Variants in NIM1K observed in about 807,000 individuals in gnomAD.
NIM1K encodes the protein serine/threonine-protein kinase NIM1.
A neutral mutation model predicts 37.1 loss-of-function variants in NIM1K; 35 were observed. That is an observed-to-expected ratio of 0.94 (90% CI 0.72 to 1.25). NIM1K has a LOEUF of 1.25. Ranked by LOEUF, NIM1K falls within the 50% of genes most tolerant of loss-of-function variation. The pLI is 0.00. For synonymous variants in NIM1K, 234 were observed against 206.6 expected (o/e 1.13, Z -1.14); for missense variants, 564 against 548.0 (o/e 1.03, Z -0.29).
chr5:43,250,000 C>T (rs568687763), intron 2 of NIM1K, among the ~76,000 whole-genome samples: 88 of 151,770 alleles, frequency 5.8e-4, no homozygotes, highest in African/African-American at 2.1e-3. Flanking sequence ...CTACAGACAC[C>T]CACCACCACG....
chr5:43,200,391 C>T (rs967698895), intron 1 of NIM1K, among the ~76,000 whole-genome samples: 2 of 152,184 alleles, frequency 1.3e-5, no homozygotes, highest in East Asian at 3.9e-4. Flanking sequence ...AACTCCGCCT[C>T]CCAGGTTCAC....
chr5:43,236,894 C>A (rs1752629594), intron 1 of NIM1K, among the ~76,000 whole-genome samples: 1 of 152,214 alleles, frequency 6.6e-6, no homozygotes. Context: ...GACTGCTTTT[C>A]TATTTGCTTT....
chr5:43,259,008 T>C (rs1752989253), intron 2 of NIM1K, among the ~76,000 whole-genome samples: 1 of 150,980 alleles, frequency 6.6e-6, no homozygotes, highest in Non-Finnish European at 1.5e-5. Context: ...GAACATACAG[T>C]ATTTGATTTT....
intron 2 of NIM1K, among the ~76,000 whole-genome samples, chr5:43,265,454 G>A (rs1753129863): frequency 1.3e-5 from 2 of 152,108 alleles, no homozygotes; most frequent in Admixed American, 1.3e-4. Flanking sequence ...TTGTGCCATG[G>A]TTTTCAGCTC....
chr5:43,199,150 T>G (rs1404729431), intron 1 of NIM1K, among the ~76,000 whole-genome samples: 1 of 134,610 alleles, frequency 7.4e-6, no homozygotes, highest in Non-Finnish European at 1.5e-5. Context: ...ATTGTGCCAT[T>G]GTACTCCAGC....
rs1397250223 is a variant in NIM1K at position 43,280,807 on chromosome 5, GACATTTT to G, written c.*79_*85del. 1 of 1,312,674 alleles carries G rather than the reference GACATTTT, an allele frequency of 7.6e-7. No homozygotes were observed. The highest frequency in any genetic ancestry group is 1.5e-5 in the African/African-American group (1 of 68,106). 81.3% of individuals were successfully genotyped at this position (1,312,674 alleles called of 1,614,324 possible). ...TTTTTTCAAGGACAACTTGAGTGGAGACATTTTTGTAATTTTTAAATAAACTTAAATT... is the reference window on the plus strand; with the variant it reads ...TTTTTTCAAGGACAACTTGAGTGGAGTGTAATTTTTAAATAAACTTAAATT... On this transcript the variant is annotated 3_prime_UTR_variant, in exon 4 of 4. Coordinates refer to ENST00000326035, the MANE Select transcript of NIM1K (RefSeq NM_153361.4).
chr5:43,235,978 T>A (rs1006523090), intron 1 of NIM1K, among the ~76,000 whole-genome samples: 1 of 152,142 alleles, frequency 6.6e-6, no homozygotes. Context: ...ATCTATACTT[T>A]AAAAATTGAG....
intron 2 of NIM1K, among the ~76,000 whole-genome samples, chr5:43,248,756 C>T (rs1260655868): frequency 5.3e-5 from 8 of 151,976 alleles, no homozygotes; most frequent in Non-Finnish European, 1.2e-4. Context: ...GACTCAAGAC[C>T]CAGGAAGAGC....
chr5:43,270,652 A>G (rs1002353213), intron 2 of NIM1K, among the ~76,000 whole-genome samples: 1 of 152,358 alleles, frequency 6.6e-6, no homozygotes, highest in Admixed American at 6.5e-5. Context: ...TAAAGGGCCA[A>G]CTGAAGTTAG....
intron 1 of NIM1K, chr5:43,240,137 G>A (rs1752678878): frequency 6.6e-6 from 1 of 151,822 alleles, no homozygotes; most frequent in Non-Finnish European, 1.5e-5. Flanking sequence ...GCAGTGGGGT[G>A]ATCTTGGCTC....
intron 1 of NIM1K, among the ~76,000 whole-genome samples, chr5:43,197,649 C>G (rs1751938357): frequency 6.6e-6 from 1 of 152,156 alleles, no homozygotes; most frequent in African/African-American, 2.4e-5. Flanking sequence ...TTTCCATGAT[C>G]CATACTCCAT....
chr5:43,259,798 C>G (rs1005502269), intron 2 of NIM1K, among the ~76,000 whole-genome samples: 2 of 151,978 alleles, frequency 1.3e-5, no homozygotes, highest in Non-Finnish European at 2.9e-5. Context: ...AATGAGGTCC[C>G]ATTTATTTAT....
chr5:43,244,621 C>A (rs545796728), intron 1 of NIM1K, among the ~76,000 whole-genome samples: 33 of 152,120 alleles, frequency 2.2e-4, no homozygotes, highest in African/African-American at 7.5e-4. Context: ...CATAAAATGA[C>A]ATAGGAAGAA....
chr5:43,253,200 ATAATATAATATATGTGTGTG>A (rs146912868), intron 2 of NIM1K, among the ~76,000 whole-genome samples: 2 of 104,564 alleles, frequency 1.9e-5, no homozygotes, highest in Middle Eastern at 4.7e-3. Flanking sequence ...AATATAATAT[ATAATATAATATATGTGTGTG>A]TGTGTGTGTG....
intron 1 of NIM1K, among the ~76,000 whole-genome samples, chr5:43,202,572 G>A (rs1752046480): frequency 6.6e-6 from 1 of 152,268 alleles, no homozygotes; most frequent in South Asian, 2.1e-4. Context: ...GGTAATCAAG[G>A]GAAACTGAAT....
At chr5:43,210,137 A>G (rs915088366) in intron 1 of NIM1K, among the ~76,000 whole-genome samples, 16 of 151,026 alleles carry the variant, frequency 1.1e-4, no homozygotes. Flanking sequence ...CGCTTAGGGT[A>G]TTAGAAAGAG....
chr5:43,247,039 G>A (rs2112264549), intron 2 of NIM1K, among the ~76,000 whole-genome samples: 1 of 152,136 alleles, frequency 6.6e-6, no homozygotes, highest in Admixed American at 6.5e-5. Context: ...TTATATTAGA[G>A]TTGTCTTTTG....
At chr5:43,229,791 C>T (rs887634131) in intron 1 of NIM1K, among the ~76,000 whole-genome samples, 5 of 151,880 alleles carry the variant, frequency 3.3e-5, no homozygotes, top group African/African-American at 9.7e-5. Flanking sequence ...CTCATGCCAC[C>T]ATGCCCAACT....
rs1321397839 is a variant in NIM1K at position 43,245,944 on chromosome 5, C to T, written c.169C>T (p.Gln57Ter). Residue 57 changes from glutamine (Q) to a stop codon, truncating the protein, a stop_gained, in exon 2 of 4, where the codon CAG becomes TAG. Coordinates refer to ENST00000326035, the MANE Select transcript of NIM1K (RefSeq NM_153361.4). LOFTEE classifies it high-confidence loss of function. ...PFEKLTQDMSQDEKVVREITL... is the reference protein window; with the variant it reads ...PFEKLTQDMS ...CGAGAAACTGACACAGGACATGTCCCAGGATGAGAAGGTGGTGAGGGAGAT... is the reference window on the plus strand; with the variant it reads ...CGAGAAACTGACACAGGACATGTCCTAGGATGAGAAGGTGGTGAGGGAGAT... 1 of 1,614,092 alleles carries T rather than the reference C, an allele frequency of 6.2e-7. No individual in the cohort carries two copies. The highest frequency in any genetic ancestry group is 8.5e-7 in the Non-Finnish European group (1 of 1,179,998).
Sources: allele counts gnomAD v4.1 joint callset (sites outside exome capture counted in the v4.1 genomes callset), GRCh38; gene constraint gnomAD v4.1.1; transcripts MANE v1.5; gene names NCBI Gene and HGNC (gene_info 2026-07-23, HGNC 2026-07-21).